PHACTR3: variants seen among roughly 807,000 people sequenced by gnomAD.
The protein encoded by PHACTR3 is phosphatase and actin regulator 3.
In PHACTR3, 16 loss-of-function variants were observed where a neutral mutation model predicts 66.8. That is an observed-to-expected ratio of 0.24 (90% CI 0.16 to 0.36). The LOEUF is 0.36. Ranked by LOEUF, PHACTR3 falls within the 10% of genes least tolerant of loss-of-function variation. The pLI is 1.00. For synonymous variants in PHACTR3, 323 were observed against 292.1 expected (o/e 1.11, Z -1.08); for missense variants, 647 against 719.9 (o/e 0.90, Z 1.16).
intron 1 of PHACTR3, among the ~76,000 whole-genome samples, chr20:59,683,430 T>G (rs1005625873): frequency 2.0e-5 from 3 of 151,890 alleles, no homozygotes; most frequent in Non-Finnish European, 4.4e-5. Flanking sequence ...CCTGACTTAG[T>G]CATTTGTCTG....
chr20:59,783,684 G>A (rs925066844), intron 7 of PHACTR3, among the ~76,000 whole-genome samples: 7 of 152,228 alleles, frequency 4.6e-5, no homozygotes, highest in Non-Finnish European at 1.0e-4. Context: ...TTCGTCCAAT[G>A]CGTAAGCACA....
intron 1 of PHACTR3, among the ~76,000 whole-genome samples, chr20:59,678,441 T>A (rs990771655): frequency 9.2e-5 from 14 of 152,164 alleles, no homozygotes; most frequent in Admixed American, 6.5e-5. Flanking sequence ...GACATATGGA[T>A]GGGAGTGCGT....
chr20:59,819,850 C>T (rs1256278004), intron 8 of PHACTR3, among the ~76,000 whole-genome samples: 1 of 152,152 alleles, frequency 6.6e-6, no homozygotes, highest in East Asian at 1.9e-4. Context: ...CTGGTTGGGC[C>T]GGTGCTGTAC....
chr20:59,752,439 C>T (rs1459539803), intron 3 of PHACTR3, among the ~76,000 whole-genome samples: 1 of 151,814 alleles, frequency 6.6e-6, no homozygotes, highest in Non-Finnish European at 1.5e-5. Context: ...CCACCGCTCC[C>T]CCAACCCCTC....
chr20:59,834,537 T>C (rs1056974200), intron 8 of PHACTR3, among the ~76,000 whole-genome samples: 4 of 152,234 alleles, frequency 2.6e-5, no homozygotes, highest in African/African-American at 9.6e-5. Context: ...CTGTACCAAG[T>C]GGATTCTGTG....
intron 1 of PHACTR3, among the ~76,000 whole-genome samples, chr20:59,656,018 G>A (rs1361940013): frequency 1.3e-5 from 2 of 151,698 alleles, no homozygotes; most frequent in East Asian, 3.9e-4. Flanking sequence ...TACTTTTTAT[G>A]ATTTCAATTA....
At chr20:59,747,937 C>A in intron 3 of PHACTR3, 102 bp downstream of exon 3, 1 of 1,212,638 alleles carries the variant, frequency 8.2e-7, no homozygotes, top group Non-Finnish European at 1.2e-6. Context: ...AGTGTAGAAT[C>A]CAAGGAGGGC....
rs572018109 is a variant in PHACTR3, at chr20:59,699,430, G to C, written c.119-43677G>C. On this transcript the variant is annotated intron_variant, in intron 1 of 12. Transcript: ENST00000371015. ...TACCTTTTTATGCTATTAAAAGAAG[G>C]CTTCTAGTTTTGTTTACTCCAGTCT... Among the ~76,000 whole-genome samples, 7 of 152,168 alleles carry C rather than the reference G, an allele frequency of 4.6e-5. No homozygotes were observed. The East Asian group carries it at 1.2e-3, about 25-fold the overall frequency.
chr20:59,665,325 C>T (rs2035947366), intron 1 of PHACTR3, among the ~76,000 whole-genome samples: 1 of 152,128 alleles, frequency 6.6e-6, no homozygotes, highest in African/African-American at 2.4e-5. Context: ...AGAAATGATG[C>T]AGAATTGCCA....
chr20:59,638,856 G>T (rs1294553572), intron 1 of PHACTR3, among the ~76,000 whole-genome samples: 1 of 149,180 alleles, frequency 6.7e-6, no homozygotes, highest in African/African-American at 2.5e-5. Context: ...TGGCTAGGTA[G>T]ATATATGAGT....
intron 1 of PHACTR3, among the ~76,000 whole-genome samples, chr20:59,709,549 C>T (rs1349667765): frequency 6.6e-6 from 1 of 152,138 alleles, no homozygotes; most frequent in African/African-American, 2.4e-5. Flanking sequence ...ACCCTGTTAT[C>T]TGCATAGACA....
intron 1 of PHACTR3, among the ~76,000 whole-genome samples, chr20:59,585,601 A>G (rs2033001982): frequency 6.6e-6 from 1 of 152,176 alleles, no homozygotes; most frequent in Non-Finnish European, 1.5e-5. Flanking sequence ...CCAGGGCAGC[A>G]GTGACTGGCG....
chr20:59,737,248 G>A (rs1405904950), intron 1 of PHACTR3, among the ~76,000 whole-genome samples: 2 of 152,068 alleles, frequency 1.3e-5, no homozygotes, highest in Admixed American at 6.5e-5. Flanking sequence ...TCGGTCAGTC[G>A]ACACCTGCCC....
intron 8 of PHACTR3, among the ~76,000 whole-genome samples, chr20:59,822,494 G>T (rs2042077380): frequency 1.3e-5 from 2 of 151,574 alleles, no homozygotes; most frequent in Admixed American, 1.3e-4. Flanking sequence ...GCTAGACACG[G>T]GAAGGGCTGC....
intron 7 of PHACTR3, among the ~76,000 whole-genome samples, chr20:59,783,634 AG>A (rs572852878): frequency 2.3e-4 from 35 of 152,330 alleles, no homozygotes; most frequent in Admixed American, 1.2e-3. Flanking sequence ...TTTTGAATCC[AG>A]GGCTTTCCAG....
intron 1 of PHACTR3, among the ~76,000 whole-genome samples, chr20:59,723,110 C>CTTTCTTTCTTTT (rs2038408963): frequency 1.6e-5 from 2 of 123,844 alleles, no homozygotes; most frequent in African/African-American, 6.6e-5. Flanking sequence ...TTCTTTCTTT[C>CTTTCTTTCTTTT]TTTCTTTCTT....
intron 8 of PHACTR3, among the ~76,000 whole-genome samples, chr20:59,808,165 C>T (rs2041625372): frequency 6.6e-6 from 1 of 152,194 alleles, no homozygotes; most frequent in African/African-American, 2.4e-5. Context: ...TTTCCAGGAT[C>T]GGGCACCTCC....
Position 59,847,453 on chromosome 20 carries a change from C to T in PHACTR3, c.*323C>T, listed in dbSNP as rs917533605. Reference sequence around the variant, plus strand: ...CTGCAGTGTAATGGAGGACGGGCAACGTGCATGTGCAGGCTCACCACTCCC... The same window carrying T: ...CTGCAGTGTAATGGAGGACGGGCAATGTGCATGTGCAGGCTCACCACTCCC... On this transcript the variant is annotated 3_prime_UTR_variant, in exon 13 of 13. Coordinates refer to ENST00000371015, the MANE Select transcript of PHACTR3 (RefSeq NM_080672.5). 3.0e-5 allele frequency: 7 copies of T among 237,174 alleles called. No individual in the cohort carries two copies. The highest frequency in any genetic ancestry group is 6.6e-5 in the African/African-American group (3 of 45,224). 14.7% of individuals were successfully genotyped at this position (237,174 alleles called of 1,614,324 possible).
chr20:59,711,089 A>G (rs2037899187), intron 1 of PHACTR3, among the ~76,000 whole-genome samples: 1 of 152,216 alleles, frequency 6.6e-6, no homozygotes, highest in Non-Finnish European at 1.5e-5. Flanking sequence ...CATATTGTAT[A>G]TATAATTACA....
Sources: gnomAD v4.1 joint callset for allele counts (sites outside exome capture counted in the v4.1 genomes callset) on GRCh38, gnomAD v4.1.1 for gene constraint, MANE v1.5 for transcripts, NCBI Gene and HGNC (gene_info 2026-07-23, HGNC 2026-07-21) for gene names.